GPR158: variants seen among roughly 807,000 people sequenced by gnomAD.
The protein encoded by GPR158 is G protein-coupled receptor 158, also known as metabotropic glycine receptor.
In GPR158, 30 loss-of-function variants were observed where a neutral mutation model predicts 78.2. That is an observed-to-expected ratio of 0.38 (90% confidence interval 0.29 to 0.52). The LOEUF (loss-of-function observed/expected upper bound fraction) is 0.52. GPR158 is among the 20% of genes least tolerant of loss of function. The pLI, the probability that GPR158 is intolerant of heterozygous loss-of-function variation, is 0.83. For synonymous variants in GPR158, 581 were observed against 591.1 expected, an observed-to-expected ratio of 0.98 and a Z score of 0.25; for missense variants, 1,463 against 1,523.5, an observed-to-expected ratio of 0.96 and a Z score of 0.66.
At chr10:25,241,704 G>A (rs1018646519) in intron 2 of GPR158, among the ~76,000 whole-genome samples, 6 of 152,166 alleles carry the variant, frequency 3.9e-5, no homozygotes, top group African/African-American at 1.4e-4. Context: ...TTACAGGTGT[G>A]AGCCACCGTG....
At chr10:25,252,546 G>C (rs1050669421) in intron 2 of GPR158, among the ~76,000 whole-genome samples, 42 of 150,624 alleles carry the variant, frequency 2.8e-4, no homozygotes, top group African/African-American at 1.0e-3. Context: ...AGGACCCTCA[G>C]CTGCAGGTCT....
intron 4 of GPR158, among the ~76,000 whole-genome samples, chr10:25,458,491 G>A (rs1368510195): frequency 6.6e-6 from 1 of 152,204 alleles, no homozygotes; most frequent in African/African-American, 2.4e-5. Context: ...TGGAAGACAG[G>A]ACTGTTCTGG....
At chr10:25,461,790 TG>T (rs1325059381) in intron 4 of GPR158, among the ~76,000 whole-genome samples, 11 of 148,910 alleles carry the variant, frequency 7.4e-5, no homozygotes, top group African/African-American at 2.8e-4. Flanking sequence ...TGGAGTGCAG[TG>T]GTGTGATCTT....
At chr10:25,407,212 CA>C (rs1413928786) in intron 3 of GPR158, among the ~76,000 whole-genome samples, 1 of 152,094 alleles carries the variant, frequency 6.6e-6, no homozygotes, top group East Asian at 1.9e-4. Context: ...TGGCAACTTG[CA>C]TATAAATTCA....
At chr10:25,367,335 A>C in intron 2 of GPR158, among the ~76,000 whole-genome samples, 1 of 151,558 alleles carries the variant, frequency 6.6e-6, no homozygotes, top group East Asian at 1.9e-4. Flanking sequence ...ATTCTGAATC[A>C]TTGTGCAATT....
At chr10:25,540,160 G>T (rs1836558330) in intron 5 of GPR158, among the ~76,000 whole-genome samples, 1 of 152,086 alleles carries the variant, frequency 6.6e-6, no homozygotes, top group Non-Finnish European at 1.5e-5. Context: ...CTCAAAAGAA[G>T]ACATTTATGC....
chr10:25,433,794 A>G (rs998974480), intron 4 of GPR158, among the ~76,000 whole-genome samples: 2 of 146,280 alleles, frequency 1.4e-5, no homozygotes, highest in African/African-American at 2.5e-5. Flanking sequence ...TGGGCTCCTA[A>G]TATGCTGGTT....
intron 5 of GPR158, among the ~76,000 whole-genome samples, chr10:25,545,287 C>G (rs879589709): frequency 1.3e-5 from 2 of 152,168 alleles, no homozygotes; most frequent in African/African-American, 2.4e-5. Context: ...GCCACACTGT[C>G]TTCCACAATG....
At chr10:25,223,778 A>G (rs1250602089) in intron 2 of GPR158, among the ~76,000 whole-genome samples, 1 of 152,160 alleles carries the variant, frequency 6.6e-6, no homozygotes, top group Non-Finnish European at 1.5e-5. Context: ...ATGAATGTCC[A>G]CATCATTAGA....
intron 1 of GPR158, among the ~76,000 whole-genome samples, chr10:25,185,429 A>G (rs1164240011): frequency 6.6e-6 from 1 of 152,224 alleles, no homozygotes; most frequent in Non-Finnish European, 1.5e-5. Context: ...CAAAAAGAAC[A>G]TCTGACTAAA....
At chr10:25,588,268 C>G (rs991524117) in intron 7 of GPR158, among the ~76,000 whole-genome samples, 2 of 152,088 alleles carry the variant, frequency 1.3e-5, no homozygotes, top group Non-Finnish European at 2.9e-5. Context: ...AAGTAAATTG[C>G]CTAAGATTAT....
At chr10:25,400,201 A>G (rs1048405939) in intron 3 of GPR158, among the ~76,000 whole-genome samples, 4 of 152,166 alleles carry the variant, frequency 2.6e-5, no homozygotes, top group Non-Finnish European at 5.9e-5. Flanking sequence ...AATAGGAGGA[A>G]ATTAGTTGCC....
intron 1 of GPR158, among the ~76,000 whole-genome samples, chr10:25,201,931 AT>A (rs538817475): frequency 1.3e-5 from 2 of 151,928 alleles, no homozygotes; most frequent in African/African-American, 4.8e-5. Context: ...TGGCCTGAAG[AT>A]TTTTTTGTGT....
At chr10:25,328,238 C>T (rs1855064452) in intron 2 of GPR158, among the ~76,000 whole-genome samples, 1 of 152,134 alleles carries the variant, frequency 6.6e-6, no homozygotes. Flanking sequence ...TCACAATTTT[C>T]TATCCTAGAA....
intron 1 of GPR158, among the ~76,000 whole-genome samples, chr10:25,194,994 T>C (rs1852824786): frequency 6.6e-6 from 1 of 152,126 alleles, no homozygotes; most frequent in Admixed American, 6.6e-5. Flanking sequence ...AATTGACAGA[T>C]AAATAATCGG....
At chr10:25,346,154 C>T (rs1176276378) in intron 2 of GPR158, among the ~76,000 whole-genome samples, 4 of 151,790 alleles carry the variant, frequency 2.6e-5, no homozygotes, top group African/African-American at 4.8e-5. Context: ...TATTAAATTA[C>T]CTGTAATAAA....
intron 2 of GPR158, among the ~76,000 whole-genome samples, chr10:25,354,550 A>C (rs1407453675): frequency 6.6e-6 from 1 of 152,030 alleles, no homozygotes; most frequent in East Asian, 1.9e-4. Flanking sequence ...TTTTTAATAG[A>C]TTTGCCTTTT....
intron 1 of GPR158, among the ~76,000 whole-genome samples, chr10:25,200,328 T>C (rs1852904282): frequency 6.6e-6 from 1 of 152,224 alleles, no homozygotes; most frequent in South Asian, 2.1e-4. Context: ...GAAAAGTGTC[T>C]GTTCGTGTCC....
At chr10:25,568,909 A>G (rs1207158061) in intron 6 of GPR158, among the ~76,000 whole-genome samples, 1 of 152,196 alleles carries the variant, frequency 6.6e-6, no homozygotes, top group Non-Finnish European at 1.5e-5. Context: ...AAAGTCATCC[A>G]TATAGGAAGT....
Sources: allele counts gnomAD v4.1 joint callset (sites outside exome capture counted in the v4.1 genomes callset), GRCh38; gene constraint gnomAD v4.1.1; transcripts MANE v1.5; gene names NCBI Gene and HGNC (gene_info 2026-07-23, HGNC 2026-07-21).